The following TLN2 variants were observed in gnomAD, a reference collection of about 807,000 sequenced individuals.
The protein encoded by TLN2 is talin 2.
In TLN2, 118 loss-of-function variants were observed where a neutral mutation model predicts 294.7. The observed-to-expected ratio is 0.40, with a 90% confidence interval of 0.34 to 0.47. The LOEUF is 0.47. Among genes scored for constraint, TLN2 ranks in the 20% least tolerant of loss-of-function variants. The pLI, the probability that TLN2 is intolerant of heterozygous loss-of-function variation, is 0.84. For missense variants in TLN2, 3,083 were observed against 3,282.2 expected (o/e 0.94, Z 1.48); for synonymous variants, 1,431 against 1,304.5 (o/e 1.10, Z -2.09).
chr15:62,672,083 G>C (rs911275157), intron 9 of TLN2, among the ~76,000 whole-genome samples: 1 of 152,062 alleles, frequency 6.6e-6, no homozygotes, highest in African/African-American at 2.4e-5. Context: ...AAAAGTTCCC[G>C]ATCAAGTTGT....
rs3816988 is a variant in TLN2 at position 62,819,540 on chromosome 15, T to C, written c.6796T>C (p.Phe2266Leu). 276,547 of 1,613,722 alleles carry C rather than the reference T, an allele frequency of 0.17. 24,417 individuals are homozygous for C. The highest frequency in any genetic ancestry group is 0.21 in the South Asian group (18,823 of 91,058). Residue 2266 changes from phenylalanine (F) to leucine (L), a missense_variant, in exon 53 of 59, where the codon TTC (phenylalanine) becomes CTC (leucine). Coordinates refer to ENST00000636159, the MANE Select transcript of TLN2 (RefSeq NM_015059.3). ...GATTCTTCAGAAACCAACCCCAGAA[T>C]TCAAGCAGCAGCTGGCCGCTTTCTC... ...LVILQKPTPE[F>L]KQQLAAFSKR... is the part of the protein sequence containing the mutation.
At chr15:62,808,383 C>G (rs2066441147) in intron 51 of TLN2, among the ~76,000 whole-genome samples, 1 of 152,160 alleles carries the variant, frequency 6.6e-6, no homozygotes, top group Non-Finnish European at 1.5e-5. Context: ...TTTAGGCTGT[C>G]TGCATTTTTT....
At chr15:62,479,509 C>T (rs1203469443) in intron 1 of TLN2, among the ~76,000 whole-genome samples, 1 of 152,118 alleles carries the variant, frequency 6.6e-6, no homozygotes, top group Non-Finnish European at 1.5e-5. Flanking sequence ...CAGAGTCTTT[C>T]TCTCTCACCC....
intron 1 of TLN2, among the ~76,000 whole-genome samples, chr15:62,467,100 A>G (rs2037176943): frequency 6.6e-6 from 1 of 152,182 alleles, no homozygotes; most frequent in East Asian, 1.9e-4. Flanking sequence ...TTGCCTTATG[A>G]GTTACGGAAT....
rs1472486559 is a variant in TLN2, at chr15:62,842,701, A to G, written c.*2091A>G. ...ACCTTTACTGCATTTGATACCAGAA[A>G]AGCCTCCAGAGACAAACCAAATGCA... On this transcript the variant is annotated 3_prime_UTR_variant, in exon 59 of 59. Coordinates refer to ENST00000636159, the MANE Select transcript of TLN2 (RefSeq NM_015059.3). 1 of 152,184 alleles carries G rather than the reference A, an allele frequency of 6.6e-6. No individual in the cohort carries two copies. Among genetic ancestry groups the G allele is most frequent in the Non-Finnish European group, 1.5e-5 (1 of 68,038 alleles). The allele number at this position is 152,184 out of a possible 1,614,324, so 9.4% of individuals were successfully genotyped here. A position where few individuals can be genotyped will look rare whatever the true frequency, so the allele number is the denominator to read the frequency against.
At chr15:62,808,387 A>G (rs1371649407) in intron 51 of TLN2, among the ~76,000 whole-genome samples, 3 of 152,190 alleles carry the variant, frequency 2.0e-5, no homozygotes, top group Non-Finnish European at 4.4e-5. Context: ...GGCTGTCTGC[A>G]TTTTTTAAAA....
rs951996399 is a variant in TLN2 at position 62,392,106 on chromosome 15, C to T, written c.-238+1421C>T. On this transcript the variant is annotated intron_variant, in intron 1 of 58. Transcript: ENST00000636159. ...GCCTCTTTGGCTTTAGCGGCGACAG[C>T]AGTAGCGCCCGCGGCTGCGTGTTCT... Among the ~76,000 whole-genome samples the T allele has an allele frequency of 2.0e-5, 3 of 152,240 alleles. No homozygotes were observed. In the East Asian group the frequency reaches 5.8e-4, roughly 29 times the overall value.
At chr15:62,667,026 C>T (rs960898636) in intron 9 of TLN2, among the ~76,000 whole-genome samples, 1 of 152,146 alleles carries the variant, frequency 6.6e-6, no homozygotes, top group Non-Finnish European at 1.5e-5. Context: ...AGTGCAGTGG[C>T]ATGATCTCGG....
intron 1 of TLN2, among the ~76,000 whole-genome samples, chr15:62,534,695 C>G (rs2041238286): frequency 1.3e-5 from 2 of 152,166 alleles, no homozygotes; most frequent in African/African-American, 2.4e-5. Context: ...TCAGTCCCAA[C>G]CTTCTCATCA....
chr15:62,841,533 C>T lies in TLN2; in HGVS notation c.*923C>T, dbSNP rs925801701. The T allele has an allele frequency of 6.6e-6, 1 of 152,216 alleles. No homozygotes were observed. 9.4% of individuals were successfully genotyped at this position (152,216 alleles called of 1,614,324 possible). On this transcript the variant is annotated 3_prime_UTR_variant, in exon 59 of 59. Transcript: ENST00000636159. ...TCTGTGCCTTCAGAATGGTCACAAG[C>T]CCGGATTGGAAAGGATCTGCTTACA...
At chr15:62,730,428 A>G (rs1276204894) in intron 28 of TLN2, among the ~76,000 whole-genome samples, 1 of 152,142 alleles carries the variant, frequency 6.6e-6, no homozygotes, top group Non-Finnish European at 1.5e-5. Context: ...ATTTCCTCCC[A>G]TAGTTGCCCT....
intron 55 of TLN2, 61 bp from the exon 56 acceptor site, chr15:62,835,676 A>T: frequency 6.3e-7 from 1 of 1,589,200 alleles, no homozygotes; most frequent in South Asian, 1.1e-5. Context: ...TCTGGGGATG[A>T]GGGGCTGCGA....
intron 1 of TLN2, among the ~76,000 whole-genome samples, chr15:62,394,277 T>C (rs1352969680): frequency 6.6e-6 from 1 of 152,220 alleles, no homozygotes; most frequent in African/African-American, 2.4e-5. Context: ...CAACTTGTGA[T>C]CTGTGACATT....
At chr15:62,621,091 G>A (rs1268141486) in intron 3 of TLN2, among the ~76,000 whole-genome samples, 7 of 151,916 alleles carry the variant, frequency 4.6e-5, no homozygotes, top group East Asian at 1.9e-4. Context: ...CGCCCACCTC[G>A]GCCTCCCAAA....
In TLN2 at chr15:62,792,703, G is replaced by A. The variant is rs2065158161; in HGVS notation, c.5799G>A (p.Gln1933=). 6.2e-7 allele frequency: 1 copy of A among 1,614,040 alleles called. No individual in the cohort carries two copies. The change falls in exon 46 of 59, where the codon CAG becomes CAA. Residue 1933 remains glutamine (Q), a synonymous_variant. Transcript: ENST00000636159. ...DLGHGCIFLV[Q]KAGALQVCPT... ...GCCACGGCTGTATCTTCCTGGTGCAGAAGGCAGGGGCCCTCCAGGTCTGCC... is the reference window on the plus strand; with the variant it reads ...GCCACGGCTGTATCTTCCTGGTGCAAAAGGCAGGGGCCCTCCAGGTCTGCC...
At chr15:62,460,974 C>G (rs958432794) in intron 1 of TLN2, among the ~76,000 whole-genome samples, 1 of 152,060 alleles carries the variant, frequency 6.6e-6, no homozygotes, top group African/African-American at 2.4e-5. Flanking sequence ...AAGACAGAGT[C>G]TCGCTCTGTT....
intron 1 of TLN2, among the ~76,000 whole-genome samples, chr15:62,560,437 C>A (rs1000884007): frequency 6.6e-6 from 1 of 152,084 alleles, no homozygotes; most frequent in Non-Finnish European, 1.5e-5. Context: ...TAGATGGAGC[C>A]ACCTAAGTGG....
chr15:62,719,340 C>G (rs1224729527), intron 24 of TLN2, among the ~76,000 whole-genome samples: 1 of 152,216 alleles, frequency 6.6e-6, no homozygotes, highest in African/African-American at 2.4e-5. Flanking sequence ...GAAGCCAAAG[C>G]ACTTACATGC....
intron 32 of TLN2, among the ~76,000 whole-genome samples, chr15:62,742,023 G>GT (rs755415181): frequency 0.39 from 13,683 of 34,994 alleles, 1,567 homozygotes; most frequent in South Asian, 0.51. Flanking sequence ...GCTTGTAGTG[G>GT]GGTGTGTGTG....
Sources: gnomAD v4.1 joint callset for allele counts (sites outside exome capture counted in the v4.1 genomes callset) on GRCh38, gnomAD v4.1.1 for gene constraint, MANE v1.5 for transcripts, NCBI Gene and HGNC (gene_info 2026-07-23, HGNC 2026-07-21) for gene names.